The following SORCS1 variants were observed in gnomAD, a reference collection of about 807,000 sequenced individuals.
SORCS1 encodes sortilin related VPS10 domain containing receptor 1, also known as VPS10 domain-containing receptor SorCS1.
Under a neutral mutation model 146.1 loss-of-function variants are expected in SORCS1, and 60 were observed. The ratio of observed to expected loss-of-function variants is 0.41; its 90% CI spans 0.33 to 0.51. SORCS1 has a LOEUF of 0.51. SORCS1 is among the 20% of genes least tolerant of loss of function. The pLI is 0.21. For synonymous variants in SORCS1, 637 were observed against 584.0 expected (o/e 1.09, Z -1.31); for missense variants, 1,352 against 1,487.6 (o/e 0.91, Z 1.50).
intron 1 of SORCS1, among the ~76,000 whole-genome samples, chr10:107,067,468 T>C (rs1015601509): frequency 1.3e-5 from 2 of 152,116 alleles, no homozygotes; most frequent in African/African-American, 2.4e-5. Flanking sequence ...AATAAATTAG[T>C]TGAGAACTCC....
At chr10:106,929,673 C>T (rs1589729210) in intron 2 of SORCS1, among the ~76,000 whole-genome samples, 1 of 152,104 alleles carries the variant, frequency 6.6e-6, no homozygotes, top group African/African-American at 2.4e-5. Context: ...ACTTCGTCAA[C>T]TTAAGCTGCT....
chr10:107,026,235 A>C (rs1958395592), intron 1 of SORCS1, among the ~76,000 whole-genome samples: 1 of 152,234 alleles, frequency 6.6e-6, no homozygotes, highest in Non-Finnish European at 1.5e-5. Context: ...TCTTTAGGTG[A>C]GCAGAATAAA....
At chr10:107,103,044 C>A (rs1282945034) in intron 1 of SORCS1, among the ~76,000 whole-genome samples, 1 of 152,218 alleles carries the variant, frequency 6.6e-6, no homozygotes. Flanking sequence ...CTCCTTCCAA[C>A]ACTCCTGCCC....
chr10:106,792,880 C>G (rs533901366), intron 3 of SORCS1, among the ~76,000 whole-genome samples: 2 of 151,918 alleles, frequency 1.3e-5, no homozygotes, highest in South Asian at 4.2e-4. Context: ...CTTTCAAGAA[C>G]AAATAGAAAA....
At position 106,632,421 on chromosome 10, in the gene SORCS1, C is replaced by T. The variant is rs567579404; in HGVS notation, c.2476-3033G>A. On this transcript the variant is annotated intron_variant, in intron 18 of 25. Coordinates refer to ENST00000263054, the MANE Select transcript of SORCS1 (RefSeq NM_052918.5). Reference sequence around the variant, plus strand: ...CTGGGGCTCATCTGTCATCAGATTCCGGTGTTCCTGGGCTCAAATGACCAC... The same window carrying T: ...CTGGGGCTCATCTGTCATCAGATTCTGGTGTTCCTGGGCTCAAATGACCAC... Among the ~76,000 whole-genome samples, 163 of 152,256 alleles carry T rather than the reference C, an allele frequency of 1.1e-3. 5 individuals carry two copies. In the South Asian group the frequency reaches 0.03, roughly 28 times the overall value.
At chr10:107,080,397 G>A (rs1963239361) in intron 1 of SORCS1, among the ~76,000 whole-genome samples, 1 of 152,140 alleles carries the variant, frequency 6.6e-6, no homozygotes, top group African/African-American at 2.4e-5. Flanking sequence ...TTAGCCAGAA[G>A]GGACTGTGAA....
At chr10:106,649,513 T>C (rs1849703760) in intron 18 of SORCS1, among the ~76,000 whole-genome samples, 1 of 152,250 alleles carries the variant, frequency 6.6e-6, no homozygotes, top group Non-Finnish European at 1.5e-5. Context: ...TTCCATTTTC[T>C]TCTGGACTTT....
intron 3 of SORCS1, among the ~76,000 whole-genome samples, chr10:106,813,606 A>G (rs1947587885): frequency 6.6e-6 from 1 of 152,124 alleles, no homozygotes; most frequent in Non-Finnish European, 1.5e-5. Context: ...GCCATTGAAA[A>G]TCTATCTTGA....
At chr10:107,007,027 G>T (rs57208841) in intron 1 of SORCS1, among the ~76,000 whole-genome samples, 1 of 152,168 alleles carries the variant, frequency 6.6e-6, no homozygotes, top group African/African-American at 2.4e-5. Flanking sequence ...TCCATGTCCC[G>T]ACTAGACCTA....
chr10:106,646,594 A>G (rs1044281972), intron 18 of SORCS1, among the ~76,000 whole-genome samples: 18 of 151,594 alleles, frequency 1.2e-4, no homozygotes, highest in African/African-American at 4.1e-4. Context: ...TACTCGGGAG[A>G]CTGAGGCAGG....
intron 2 of SORCS1, among the ~76,000 whole-genome samples, chr10:106,832,893 T>A (rs953810380): frequency 1.3e-5 from 2 of 152,082 alleles, no homozygotes; most frequent in African/African-American, 2.4e-5. Context: ...ATTAACTTGA[T>A]CCCTGAGCTA....
intron 3 of SORCS1, among the ~76,000 whole-genome samples, chr10:106,793,218 T>C (rs1026379700): frequency 4.6e-5 from 7 of 152,172 alleles, no homozygotes; most frequent in Non-Finnish European, 7.3e-5. Flanking sequence ...AACCACAGAA[T>C]ACCTGACACC....
chr10:106,853,613 C>T (rs1949672842), intron 2 of SORCS1, among the ~76,000 whole-genome samples: 1 of 151,960 alleles, frequency 6.6e-6, no homozygotes, highest in African/African-American at 2.4e-5. Flanking sequence ...AAATTTCCCT[C>T]TAAGCATGGC....
chr10:107,157,476 T>C (rs1305956921), intron 1 of SORCS1, among the ~76,000 whole-genome samples: 1 of 152,098 alleles, frequency 6.6e-6, no homozygotes, highest in Non-Finnish European at 1.5e-5. Flanking sequence ...TGAGAAAAAA[T>C]ACCTTAAGTA....
intron 10 of SORCS1, among the ~76,000 whole-genome samples, chr10:106,681,658 T>C (rs925986117): frequency 6.6e-6 from 1 of 152,186 alleles, no homozygotes; most frequent in African/African-American, 2.4e-5. Flanking sequence ...GGATTATCCC[T>C]AGACATATGA....
intron 1 of SORCS1, among the ~76,000 whole-genome samples, chr10:107,094,104 T>C (rs1241100071): frequency 6.6e-6 from 1 of 152,214 alleles, no homozygotes; most frequent in Non-Finnish European, 1.5e-5. Context: ...GATGATCATA[T>C]AATGCCCTTT....
intron 19 of SORCS1, among the ~76,000 whole-genome samples, chr10:106,628,816 T>G (rs1156638784): frequency 6.6e-6 from 1 of 152,240 alleles, no homozygotes; most frequent in East Asian, 1.9e-4. Context: ...TAATTCTCAA[T>G]GCATTAGATT....
intron 16 of SORCS1, among the ~76,000 whole-genome samples, chr10:106,668,416 C>A (rs2135444332): frequency 6.6e-6 from 1 of 152,302 alleles, no homozygotes; most frequent in Middle Eastern, 3.4e-3. Flanking sequence ...TGTTTTAAAT[C>A]CTCTCTCTAC....
At chr10:106,626,487 C>A in intron 19 of SORCS1, among the ~76,000 whole-genome samples, 1 of 152,160 alleles carries the variant, frequency 6.6e-6, no homozygotes, top group Non-Finnish European at 1.5e-5. Flanking sequence ...CCTCTCACTG[C>A]CATATCATGG....
Sources: gnomAD v4.1 joint callset for allele counts (sites outside exome capture counted in the v4.1 genomes callset) on GRCh38, gnomAD v4.1.1 for gene constraint, MANE v1.5 for transcripts, NCBI Gene and HGNC (gene_info 2026-07-23, HGNC 2026-07-21) for gene names.